The following ANKRD55 variants were observed in gnomAD, a reference collection of about 807,000 sequenced individuals.
ANKRD55 encodes the protein ankyrin repeat domain-containing protein 55.
A neutral mutation model predicts 60.6 loss-of-function variants in ANKRD55; 41 were observed. The ratio of observed to expected loss-of-function variants is 0.68; its 90% CI spans 0.53 to 0.88. ANKRD55 has a LOEUF of 0.88. Ranked by LOEUF, ANKRD55 falls within the 40% of genes least tolerant of loss-of-function variation. The pLI is 0.00. For missense variants in ANKRD55, 732 were observed against 767.6 expected (o/e 0.95, Z 0.55); for synonymous variants, 264 against 290.3 (o/e 0.91, Z 0.92).
chr5:56,139,234 A>G (rs938345686), intron 7 of ANKRD55, among the ~76,000 whole-genome samples: 2 of 152,186 alleles, frequency 1.3e-5, no homozygotes, highest in African/African-American at 4.8e-5. Context: ...CATTAACCCC[A>G]TTGGCCTGAG....
intron 2 of ANKRD55, among the ~76,000 whole-genome samples, chr5:56,204,241 G>A (rs1759448941): frequency 6.6e-6 from 1 of 152,142 alleles, no homozygotes; most frequent in South Asian, 2.1e-4. Flanking sequence ...TGTCAGATGA[G>A]TAGATTGCAA....
chr5:56,232,929 C>T lies in ANKRD55; in HGVS notation c.-16G>A, dbSNP rs768082554. ...GTCTCATCATTTACCATCAGAATGG[C>T]AAAAAGCATCCAGGTCTCTAGAGAG... On this transcript the variant is annotated 5_prime_UTR_variant, in exon 2 of 12. Transcript: ENST00000341048. 6.8e-6 allele frequency: 11 copies of T among 1,613,284 alleles called. No individual in the cohort carries two copies. In the South Asian group the frequency reaches 1.1e-4, roughly 16 times the overall value.
chr5:56,102,444 A>G, intron 11 of ANKRD55, 50 bp downstream of exon 11: 1 of 1,268,264 alleles, frequency 7.9e-7, no homozygotes, highest in Non-Finnish European at 1.1e-6. Flanking sequence ...AGTTGTGTCT[A>G]GATATGTTAA....
chr5:56,195,810 G>C (rs1234985907), intron 2 of ANKRD55, among the ~76,000 whole-genome samples: 1 of 152,182 alleles, frequency 6.6e-6, no homozygotes, highest in African/African-American at 2.4e-5. Context: ...TGGTTTATTT[G>C]AGAGGATGTT....
chr5:56,141,130 G>GGT (rs1554039007), intron 7 of ANKRD55, among the ~76,000 whole-genome samples: 12 of 111,772 alleles, frequency 1.1e-4, no homozygotes, highest in Admixed American at 1.1e-4. Flanking sequence ...TGCACACACA[G>GGT]TTTTTTTTTT....
rs954965566 is a variant in ANKRD55 at position 56,127,580 on chromosome 5, AG to A, written c.613-475del. 4.6e-5 allele frequency: 45 copies of A among 985,316 alleles called. No individual in the cohort carries two copies. In the African/African-American group the frequency reaches 7.3e-4, roughly 16 times the overall value. The allele number at this position is 985,316 out of a possible 1,614,324, so 61.0% of individuals were successfully genotyped here. A position where few individuals can be genotyped will look rare whatever the true frequency, so the allele number is the denominator to read the frequency against. On this transcript the variant is annotated intron_variant, in intron 7 of 11. Coordinates refer to ENST00000341048, the MANE Select transcript of ANKRD55 (RefSeq NM_024669.3). ...TGGTGGCGCAGTGATGCACTTAAAA[AG>A]CTTGTTTCGGGGTAGGGCCAAGGAG...
intron 6 of ANKRD55, among the ~76,000 whole-genome samples, chr5:56,159,471 A>G (rs1758271090): frequency 6.6e-6 from 1 of 152,144 alleles, no homozygotes; most frequent in African/African-American, 2.4e-5. Context: ...TAAAAAAAAA[A>G]AAAGAGAGCA....
At chr5:56,209,411 G>C (rs1477854191) in intron 2 of ANKRD55, among the ~76,000 whole-genome samples, 1 of 151,436 alleles carries the variant, frequency 6.6e-6, no homozygotes, top group Non-Finnish European at 1.5e-5. Context: ...TACTTTTTGT[G>C]ATTATAAGTT....
At chr5:56,184,799 G>A (rs562270766) in intron 2 of ANKRD55, among the ~76,000 whole-genome samples, 12 of 152,116 alleles carry the variant, frequency 7.9e-5, no homozygotes, top group African/African-American at 2.4e-4. Context: ...TCAGGAGGCC[G>A]AGGCAGGAGG....
At chr5:56,126,035 G>A (rs1032689822) in intron 8 of ANKRD55, among the ~76,000 whole-genome samples, 1 of 152,150 alleles carries the variant, frequency 6.6e-6, no homozygotes, top group Non-Finnish European at 1.5e-5. Context: ...TTGGGAGGTT[G>A]AGGCAAGGGA....
At chr5:56,172,161 G>C (rs1343519158) in intron 4 of ANKRD55, among the ~76,000 whole-genome samples, 2 of 151,176 alleles carry the variant, frequency 1.3e-5, no homozygotes, top group East Asian at 3.9e-4. Context: ...AATGCATGGA[G>C]AAGAAGGAAG....
At chr5:56,170,350 A>G (rs1320075053) in intron 5 of ANKRD55, among the ~76,000 whole-genome samples, 1 of 152,204 alleles carries the variant, frequency 6.6e-6, no homozygotes, top group African/African-American at 2.4e-5. Flanking sequence ...TAGAATTTCA[A>G]AGGACTAGAA....
At chr5:56,122,853 C>T (rs1420248868) in intron 8 of ANKRD55, among the ~76,000 whole-genome samples, 1 of 151,574 alleles carries the variant, frequency 6.6e-6, no homozygotes, top group Non-Finnish European at 1.5e-5. Context: ...GCAACCTTCA[C>T]CTCCTGGGCT....
chr5:56,205,065 T>C (rs1256331766), intron 2 of ANKRD55, among the ~76,000 whole-genome samples: 1 of 55,412 alleles, frequency 1.8e-5, no homozygotes, highest in Non-Finnish European at 2.8e-5. Flanking sequence ...CTTTTCTTTC[T>C]TTTTTTTTCT....
At chr5:56,103,655 A>G (rs1756359778) in intron 10 of ANKRD55, among the ~76,000 whole-genome samples, 1 of 152,192 alleles carries the variant, frequency 6.6e-6, no homozygotes, top group Admixed American at 6.5e-5. Context: ...TCCACTTGTC[A>G]TGAGGATTAA....
chr5:56,161,672 T>A (rs1387959708), intron 5 of ANKRD55, among the ~76,000 whole-genome samples: 1 of 152,150 alleles, frequency 6.6e-6, no homozygotes, highest in Non-Finnish European at 1.5e-5. Context: ...GAGGTTTAAT[T>A]CTGACCTCAC....
rs149168728 is a variant in ANKRD55, at chr5:56,100,137, T to G, written c.*46A>C. ...CTGGAGTAATCTTGTCCTTTGAGAG[T>G]TGAAAATACATATTCATCTACATTT... On this transcript the variant is annotated 3_prime_UTR_variant, in exon 12 of 12. Transcript: ENST00000341048. The G allele has an allele frequency of 8.7e-6, 14 of 1,612,428 alleles. No individual in the cohort carries two copies. The African/African-American group carries it at 1.7e-4, about 20-fold the overall frequency.
At chr5:56,124,340 C>G (rs764747453) in intron 8 of ANKRD55, among the ~76,000 whole-genome samples, 3 of 152,204 alleles carry the variant, frequency 2.0e-5, no homozygotes, top group Middle Eastern at 6.8e-3. Context: ...TATTTTCCTT[C>G]TACCTCTTTT....
chr5:56,226,238 T>C (rs1760107495), intron 2 of ANKRD55, among the ~76,000 whole-genome samples: 2 of 152,174 alleles, frequency 1.3e-5, no homozygotes, highest in Admixed American at 6.5e-5. Context: ...AGGAAAGGAT[T>C]CCCTCTTTAT....
Sources: allele counts gnomAD v4.1 joint callset (sites outside exome capture counted in the v4.1 genomes callset), GRCh38; gene constraint gnomAD v4.1.1; transcripts MANE v1.5; gene names NCBI Gene and HGNC (gene_info 2026-07-23, HGNC 2026-07-21).